Variants in PPP2R2B observed in about 807,000 individuals in gnomAD.
The protein encoded by PPP2R2B is protein phosphatase 2 regulatory subunit Bbeta.
In PPP2R2B, 5 loss-of-function variants were observed where a neutral mutation model predicts 46.0. The observed-to-expected ratio is 0.11, with a 90% CI of 0.06 to 0.23. PPP2R2B has a LOEUF of 0.23. Ranked by LOEUF, PPP2R2B falls within the 10% of genes least tolerant of loss-of-function variation. The pLI is 1.00. For synonymous variants in PPP2R2B, 215 were observed against 206.7 expected (o/e 1.04, Z -0.34); for missense variants, 367 against 575.0 (o/e 0.64, Z 3.70).
chr5:146,925,979 G>A (rs1763769346), intron 1 of PPP2R2B, among the ~76,000 whole-genome samples: 1 of 151,806 alleles, frequency 6.6e-6, no homozygotes, highest in African/African-American at 2.4e-5. Context: ...ATTTTCACCT[G>A]GTATTTTTAA....
Position 146,857,222 on chromosome 5 carries a change from C to T in PPP2R2B, c.70+20780G>A, listed in dbSNP as rs569332622. The stretch of plus-strand genomic sequence containing the variant: ...AGGAGCAGAAGTAAGTCACCTCACT[C>T]GTTAGAAATGGCCCCATTTCTCTGC... On this transcript the variant is annotated intron_variant, in intron 2 of 9. Coordinates refer to ENST00000394411, the MANE Select transcript of PPP2R2B (RefSeq NM_181675.4). 1.2e-4 allele frequency among the ~76,000 whole-genome samples: 18 copies of T among 152,088 alleles called. No homozygotes were observed. In the East Asian group the frequency reaches 3.1e-3, roughly 26 times the overall value.
intron 2 of PPP2R2B, among the ~76,000 whole-genome samples, chr5:146,709,989 C>T (rs1581927082): frequency 1.3e-5 from 2 of 152,202 alleles, no homozygotes; most frequent in South Asian, 4.1e-4. Flanking sequence ...CATATTTGCA[C>T]AAACTCTCAC....
At chr5:146,964,933 G>A (rs1752337372) in intron 1 of PPP2R2B, among the ~76,000 whole-genome samples, 1 of 152,032 alleles carries the variant, frequency 6.6e-6, no homozygotes, top group Non-Finnish European at 1.5e-5. Flanking sequence ...ACTCCTCTCT[G>A]GGGCTCAGTT....
chr5:146,586,956 G>A lies in PPP2R2B; in HGVS notation c.*2991C>T, dbSNP rs1770195010. 1 of 152,190 alleles carries A rather than the reference G, an allele frequency of 6.6e-6. No individual in the cohort carries two copies. The highest frequency in any genetic ancestry group is 2.4e-5 in the African/African-American group (1 of 41,436). The allele number at this position is 152,190 out of a possible 1,614,324, so 9.4% of individuals were successfully genotyped here. Reference sequence around the variant, plus strand: ...CGTCAGGAACTGAATGTTGCGCAAGGATGGTTTTTGTAAAAGCCAGGGATG... The same window carrying A: ...CGTCAGGAACTGAATGTTGCGCAAGAATGGTTTTTGTAAAAGCCAGGGATG... On this transcript the variant is annotated 3_prime_UTR_variant, in exon 10 of 10. Coordinates refer to ENST00000394411, the MANE Select transcript of PPP2R2B (RefSeq NM_181675.4).
At chr5:147,048,894 A>T (rs1442113242) in intron 1 of PPP2R2B, among the ~76,000 whole-genome samples, 2 of 152,324 alleles carry the variant, frequency 1.3e-5, no homozygotes, top group Middle Eastern at 6.8e-3. Context: ...GGAGATATAG[A>T]AATGTATAAA....
chr5:147,063,014 G>T, intron 2 of PPP2R2B, among the ~76,000 whole-genome samples: 1 of 130,070 alleles, frequency 7.7e-6, no homozygotes, highest in Non-Finnish European at 1.6e-5. Flanking sequence ...AAGAAGGGAA[G>T]GGGGAAGAGA....
At chr5:146,922,112 A>G (rs1348912306) in intron 1 of PPP2R2B, among the ~76,000 whole-genome samples, 2 of 152,196 alleles carry the variant, frequency 1.3e-5, no homozygotes, top group Admixed American at 6.5e-5. Flanking sequence ...AACTGTACCT[A>G]TCCAATATGG....
Position 146,581,289 on chromosome 5 carries a change from G to A in PPP2R2B, c.*8658C>T, listed in dbSNP as rs1434876831. ...AGGGGGAGCCAGCATATCTTACATG[G>A]CAGGAACAGGAGCAAGAGAGACAGA... On this transcript the variant is annotated 3_prime_UTR_variant, in exon 10 of 10. Coordinates refer to ENST00000394411, the MANE Select transcript of PPP2R2B (RefSeq NM_181675.4). 2 of 152,142 alleles carry A rather than the reference G, an allele frequency of 1.3e-5. No individual in the cohort carries two copies. Among genetic ancestry groups the A allele is most frequent in the African/African-American group, 4.8e-5 (2 of 41,410 alleles). 9.4% of individuals were successfully genotyped at this position (152,142 alleles called of 1,614,324 possible). A position where few individuals can be genotyped will look rare whatever the true frequency, so the allele number is the denominator to read the frequency against.
chr5:146,779,491 C>T (rs151175469), intron 2 of PPP2R2B, among the ~76,000 whole-genome samples: 2 of 152,236 alleles, frequency 1.3e-5, no homozygotes, highest in African/African-American at 4.8e-5. Context: ...TGACTGCCGG[C>T]CCGGTGATAA....
chr5:147,055,794 A>G lies in PPP2R2B; in HGVS notation c.-51T>C, dbSNP rs78223704. On this transcript the variant is annotated 5_prime_UTR_variant, in exon 1 of 9. Coordinates refer to the PPP2R2B transcript ENST00000336640. ...AATAAAAAAACAGTCTCCTGAATCCATAAGGATTCTCTCGGCCTTTTAAGC... is the reference window on the plus strand; with the variant it reads ...AATAAAAAAACAGTCTCCTGAATCCGTAAGGATTCTCTCGGCCTTTTAAGC... 2,000 of 1,555,442 alleles carry G rather than the reference A, an allele frequency of 1.3e-3. 15 individuals are homozygous for G. The African/African-American group carries it at 0.025, about 19-fold the overall frequency.
chr5:146,976,072 C>T (rs1173916268), intron 1 of PPP2R2B, among the ~76,000 whole-genome samples: 1 of 150,528 alleles, frequency 6.6e-6, no homozygotes, highest in East Asian at 1.9e-4. Flanking sequence ...AGCTTCTCTC[C>T]TAAGCTTTTA....
At chr5:146,634,632 G>A (rs746434953) in intron 7 of PPP2R2B, among the ~76,000 whole-genome samples, 7 of 152,152 alleles carry the variant, frequency 4.6e-5, no homozygotes, top group Non-Finnish European at 7.3e-5. Flanking sequence ...ACTGAGGCCG[G>A]TCTCTGATGG....
intron 2 of PPP2R2B, among the ~76,000 whole-genome samples, chr5:146,857,171 C>T (rs1290594840): frequency 1.3e-5 from 2 of 152,116 alleles, no homozygotes; most frequent in Non-Finnish European, 2.9e-5. Flanking sequence ...TGGTGCAGAA[C>T]AACTTCTATG....
At chr5:146,855,471 C>A (rs1760601298) in intron 2 of PPP2R2B, among the ~76,000 whole-genome samples, 1 of 152,190 alleles carries the variant, frequency 6.6e-6, no homozygotes, top group East Asian at 1.9e-4. Context: ...TATATGCATA[C>A]AGACACAAAC....
At chr5:146,963,500 C>T (rs910032811) in intron 1 of PPP2R2B, among the ~76,000 whole-genome samples, 3 of 152,156 alleles carry the variant, frequency 2.0e-5, no homozygotes, top group Non-Finnish European at 1.5e-5. Context: ...AATTTCTTAT[C>T]CTTTTGCCCT....
chr5:146,858,731 G>A (rs541269988), intron 2 of PPP2R2B, among the ~76,000 whole-genome samples: 7 of 152,194 alleles, frequency 4.6e-5, no homozygotes, highest in African/African-American at 1.2e-4. Flanking sequence ...ATACTTGAGC[G>A]CAATATACAG....
intron 6 of PPP2R2B, among the ~76,000 whole-genome samples, chr5:146,646,861 G>A (rs1240326475): frequency 6.6e-6 from 1 of 152,190 alleles, no homozygotes; most frequent in Non-Finnish European, 1.5e-5. Flanking sequence ...GTATGTGTGT[G>A]TGTGTGTGTT....
chr5:146,808,859 A>G (rs1262593594), intron 2 of PPP2R2B, among the ~76,000 whole-genome samples: 3 of 152,084 alleles, frequency 2.0e-5, no homozygotes, highest in African/African-American at 7.2e-5. Context: ...ATCAACATTT[A>G]TCTCTATAGG....
chr5:146,595,614 A>G (rs1269290452), intron 8 of PPP2R2B, among the ~76,000 whole-genome samples: 1 of 152,176 alleles, frequency 6.6e-6, no homozygotes, highest in Non-Finnish European at 1.5e-5. Context: ...TCTGCCTCCA[A>G]TTGACAGCAT....
Sources: gnomAD v4.1 joint callset for allele counts (sites outside exome capture counted in the v4.1 genomes callset) on GRCh38, gnomAD v4.1.1 for gene constraint, MANE v1.5 for transcripts, NCBI Gene and HGNC (gene_info 2026-07-23, HGNC 2026-07-21) for gene names.